Variants in SPIRE1 observed in about 807,000 individuals in gnomAD.
The protein encoded by SPIRE1 is spire type actin nucleation factor 1.
In SPIRE1, 40 loss-of-function variants were observed where a neutral mutation model predicts 94.1. The observed-to-expected ratio is 0.43, with a 90% confidence interval of 0.33 to 0.55. The LOEUF (loss-of-function observed/expected upper bound fraction) is 0.55, where lower values mean the gene tolerates loss of function less well. Among genes scored for constraint, SPIRE1 ranks in the 20% least tolerant of loss-of-function variants. The pLI is 0.06. For synonymous variants in SPIRE1, 376 were observed against 371.7 expected, an observed-to-expected ratio of 1.01 and a Z score of -0.13; for missense variants, 838 against 975.2, an observed-to-expected ratio of 0.86 and a Z score of 1.87.
intron 2 of SPIRE1, among the ~76,000 whole-genome samples, chr18:12,615,600 T>C (rs1477418745): frequency 6.9e-6 from 1 of 145,530 alleles, no homozygotes; most frequent in Non-Finnish European, 1.5e-5. Flanking sequence ...AGAAATTTGG[T>C]ATATTTAAAT....
intron 6 of SPIRE1, among the ~76,000 whole-genome samples, chr18:12,503,063 T>G (rs1045211273): frequency 6.6e-6 from 1 of 150,416 alleles, no homozygotes; most frequent in Admixed American, 6.6e-5. Context: ...GGGCCGAGAT[T>G]ACGCCACGGT....
At chr18:12,535,160 G>A (rs1010576647) in intron 4 of SPIRE1, among the ~76,000 whole-genome samples, 1 of 152,186 alleles carries the variant, frequency 6.6e-6, no homozygotes, top group Non-Finnish European at 1.5e-5. Context: ...AGAGAAGAGC[G>A]ACAGAAAGGG....
At chr18:12,615,345 A>AAAAAAATATAT in intron 2 of SPIRE1, among the ~76,000 whole-genome samples, 5 of 17,244 alleles carry the variant, frequency 2.9e-4, no homozygotes, top group Non-Finnish European at 9.3e-4. Flanking sequence ...AAAAAAAAAA[A>AAAAAAATATAT]ATATATATAT....
chr18:12,586,823 C>T (rs946044470), intron 2 of SPIRE1, among the ~76,000 whole-genome samples: 2 of 152,148 alleles, frequency 1.3e-5, no homozygotes, highest in African/African-American at 4.8e-5. Context: ...AAATTTGCCT[C>T]CTGAGCCCCT....
intron 5 of SPIRE1, among the ~76,000 whole-genome samples, chr18:12,509,848 C>T (rs748812287): frequency 6.6e-6 from 1 of 151,994 alleles, no homozygotes; most frequent in Non-Finnish European, 1.5e-5. Context: ...TTTGGGAGGC[C>T]AAGGCGGGCG....
At chr18:12,619,501 C>A (rs1015490351) in intron 2 of SPIRE1, among the ~76,000 whole-genome samples, 5 of 151,604 alleles carry the variant, frequency 3.3e-5, no homozygotes, top group Admixed American at 3.3e-4. Context: ...CAGCGAGACT[C>A]CGTCTCGAAA....
At chr18:12,497,456 G>A (rs542667442) in intron 6 of SPIRE1, among the ~76,000 whole-genome samples, 2 of 152,220 alleles carry the variant, frequency 1.3e-5, no homozygotes, top group Non-Finnish European at 2.9e-5. Context: ...CCACTCCTAT[G>A]CCCTGTCCCT....
intron 4 of SPIRE1, among the ~76,000 whole-genome samples, chr18:12,534,713 T>C (rs148270371): frequency 6.6e-6 from 1 of 152,200 alleles, no homozygotes; most frequent in Non-Finnish European, 1.5e-5. Flanking sequence ...CACCCTGTCA[T>C]GGGACTTCTC....
intron 16 of SPIRE1, 55 bp downstream of exon 16, chr18:12,452,200 G>C (rs1049361188): frequency 1.2e-6 from 2 of 1,608,312 alleles, no homozygotes; most frequent in African/African-American, 2.7e-5. Context: ...CAGTCCTCAA[G>C]AGTAGAACTC....
rs116315612 is a variant in SPIRE1 at position 12,560,977 on chromosome 18, A to G, written c.373-14073T>C. On this transcript the variant is annotated intron_variant, in intron 2 of 16. Coordinates refer to ENST00000409402, the MANE Select transcript of SPIRE1 (RefSeq NM_001128626.2). ...TGTACATTTAAAAATAAGCAAAAGA[A>G]TATAGTTGGATTGTTTGTAACACAA... is the stretch of plus-strand genomic sequence containing the variant. Among the ~76,000 whole-genome samples, 1,499 of 152,324 alleles carry G rather than the reference A, an allele frequency of 9.8e-3. 36 individuals carry two copies. Among genetic ancestry groups the G allele is most frequent in the African/African-American group, 0.033 (1,387 of 41,564 alleles).
chr18:12,557,800 G>A (rs1475089180), intron 2 of SPIRE1, among the ~76,000 whole-genome samples: 1 of 151,782 alleles, frequency 6.6e-6, no homozygotes, highest in Non-Finnish European at 1.5e-5. Flanking sequence ...AAAACATCAT[G>A]GTACTGGCAT....
chr18:12,495,587 C>T (rs998677733), intron 7 of SPIRE1, among the ~76,000 whole-genome samples: 1 of 152,114 alleles, frequency 6.6e-6, no homozygotes, highest in Non-Finnish European at 1.5e-5. Context: ...TTTTCAGTGA[C>T]TTAAGAATAT....
At chr18:12,459,427 A>G (rs1260524547) in intron 12 of SPIRE1, among the ~76,000 whole-genome samples, 3 of 152,192 alleles carry the variant, frequency 2.0e-5, no homozygotes, top group Admixed American at 2.0e-4. Context: ...AGGCCCTAGG[A>G]GGAATGCACC....
At chr18:12,604,671 T>A (rs2036923348) in intron 2 of SPIRE1, among the ~76,000 whole-genome samples, 1 of 152,094 alleles carries the variant, frequency 6.6e-6, no homozygotes, top group Non-Finnish European at 1.5e-5. Flanking sequence ...TTTGTGAGCA[T>A]TAGAAACATG....
chr18:12,609,885 C>T (rs1003269502), intron 2 of SPIRE1, among the ~76,000 whole-genome samples: 4 of 152,022 alleles, frequency 2.6e-5, no homozygotes, highest in African/African-American at 9.7e-5. Context: ...TAACGGTTCC[C>T]TAGATCTTTA....
At chr18:12,561,632 C>T (rs1250529581) in intron 2 of SPIRE1, among the ~76,000 whole-genome samples, 1 of 152,176 alleles carries the variant, frequency 6.6e-6, no homozygotes, top group Non-Finnish European at 1.5e-5. Context: ...ATTACTACAT[C>T]TCCACAGTCT....
chr18:12,582,170 G>A (rs945956064), intron 2 of SPIRE1, among the ~76,000 whole-genome samples: 6 of 152,128 alleles, frequency 3.9e-5, no homozygotes, highest in Non-Finnish European at 8.8e-5. Flanking sequence ...AAGAGAATCA[G>A]TATCTTAGAA....
chr18:12,546,138 C>T (rs186431313), intron 3 of SPIRE1, among the ~76,000 whole-genome samples: 291 of 151,968 alleles, frequency 1.9e-3, no homozygotes, highest in African/African-American at 6.8e-3. Flanking sequence ...TACAGGTGCC[C>T]GCCACCACGC....
In SPIRE1 at chr18:12,658,019, C is replaced by T. The variant is rs1293614071; in HGVS notation, c.-153G>A. On this transcript the variant is annotated 5_prime_UTR_variant, in exon 1 of 17. Transcript: ENST00000409402. ...GCCGCCGCCGGGACCAGGCGAGTGCCCGGGAGGCGTGGGCAAGAGGAGGGC... is the reference window on the plus strand; with the variant it reads ...GCCGCCGCCGGGACCAGGCGAGTGCTCGGGAGGCGTGGGCAAGAGGAGGGC... The T allele has an allele frequency of 2.8e-5, 28 of 992,990 alleles. No homozygotes were observed. In the East Asian group the frequency reaches 8.8e-4, roughly 31 times the overall value. The allele number at this position is 992,990 out of a possible 1,614,324, so 61.5% of individuals were successfully genotyped here.
Sources: gnomAD v4.1 joint callset for allele counts (sites outside exome capture counted in the v4.1 genomes callset) on GRCh38, gnomAD v4.1.1 for gene constraint, MANE v1.5 for transcripts, NCBI Gene and HGNC (gene_info 2026-07-23, HGNC 2026-07-21) for gene names.